GPR89A: variants seen among roughly 807,000 people sequenced by gnomAD.
GPR89A encodes golgi pH regulator A, also known as G protein-coupled receptor 89A.
Under a neutral mutation model 52.0 loss-of-function variants are expected in GPR89A, and 16 were observed. That is an observed-to-expected ratio of 0.31 (90% confidence interval 0.21 to 0.47). The LOEUF (loss-of-function observed/expected upper bound fraction) is 0.47. GPR89A is among the 20% of genes least tolerant of loss of function. The pLI is 1.00. For missense variants in GPR89A, 135 were observed against 449.4 expected (o/e 0.30, Z 6.33); for synonymous variants, 55 against 150.9 (o/e 0.36, Z 4.66).
intron 10 of GPR89A, among the ~76,000 whole-genome samples, chr1:145,655,483 T>C (rs782047489): frequency 7.2e-5 from 11 of 152,150 alleles, no homozygotes; most frequent in Non-Finnish European, 1.5e-4. Context: ...ATGGGGTTTT[T>C]GTGGGGTCTT....
intron 7 of GPR89A, among the ~76,000 whole-genome samples, chr1:145,635,542 C>T (rs1305083431): frequency 3.3e-5 from 5 of 152,168 alleles, no homozygotes; most frequent in African/African-American, 1.2e-4. Context: ...GTTTATTTTA[C>T]ATGAGTGTAT....
At chr1:145,660,557 C>G in intron 10 of GPR89A, among the ~76,000 whole-genome samples, 1 of 152,110 alleles carries the variant, frequency 6.6e-6, no homozygotes, top group Non-Finnish European at 1.5e-5. Context: ...ACCTACTCAT[C>G]TGACAAAGGG....
chr1:145,611,728 C>T (rs1251992443), intron 1 of GPR89A: 2 of 151,726 alleles, frequency 1.3e-5, no homozygotes, highest in African/African-American at 4.8e-5. Flanking sequence ...ATACCACCCT[C>T]AGTCCTAACT....
At chr1:145,666,027 T>C (rs1224206380) in intron 12 of GPR89A, among the ~76,000 whole-genome samples, 4 of 141,804 alleles carry the variant, frequency 2.8e-5, no homozygotes, top group Admixed American at 7.2e-5. Flanking sequence ...TGAGATAATT[T>C]TACCTCATTA....
chr1:145,649,854 G>T (rs1651328001), intron 10 of GPR89A, among the ~76,000 whole-genome samples: 1 of 151,840 alleles, frequency 6.6e-6, no homozygotes, highest in Non-Finnish European at 1.5e-5. Flanking sequence ...ATAGATACGA[G>T]GTGATATTGC....
At chr1:145,611,131 A>G (rs1462961293) in intron 1 of GPR89A, among the ~76,000 whole-genome samples, 1 of 147,286 alleles carries the variant, frequency 6.8e-6, no homozygotes, top group East Asian at 2.0e-4. Flanking sequence ...ATTTGTGTTT[A>G]CTTGGATGTA....
At position 145,646,262 on chromosome 1, in the gene GPR89A, A is replaced by G; in HGVS notation, c.806A>G (p.Tyr269Cys). The G allele has an allele frequency of 1.2e-6, 2 of 1,608,316 alleles. No homozygotes were observed. Among genetic ancestry groups the G allele is most frequent in the South Asian group, 1.1e-5 (1 of 90,804 alleles). ...RQLFLETADL[Y>C]ATKERIEYSK... ...CTTTTTCTGGAAACAGCTGATCTAT[A>G]TGCTACCAAGGTACAGAGCAAGGAA... The change falls in exon 9 of 14, where the codon TAT becomes TGT. Residue 269 changes from tyrosine to cysteine, a missense_variant. Coordinates refer to ENST00000313835, the MANE Select transcript of GPR89A (RefSeq NM_001097612.2).
chr1:145,613,869 G>A (rs1287527440), intron 1 of GPR89A, among the ~76,000 whole-genome samples: 5 of 151,746 alleles, frequency 3.3e-5, no homozygotes, highest in Middle Eastern at 3.4e-3. Flanking sequence ...TCACTATAAC[G>A]TCTACCTGCC....
chr1:145,621,650 CAA>C (rs1203106986), intron 3 of GPR89A, among the ~76,000 whole-genome samples: 19 of 150,578 alleles, frequency 1.3e-4, no homozygotes, highest in African/African-American at 4.4e-4. Context: ...ATTCCAAAAA[CAA>C]GAGAAAATTT....
intron 10 of GPR89A, among the ~76,000 whole-genome samples, chr1:145,651,299 C>G (rs1553693504): frequency 6.7e-6 from 1 of 149,698 alleles, no homozygotes; most frequent in East Asian, 2.0e-4. Flanking sequence ...GATCAGATGG[C>G]TGTAGATGTG....
intron 10 of GPR89A, among the ~76,000 whole-genome samples, chr1:145,648,000 C>T (rs1651171046): frequency 7.0e-6 from 1 of 141,852 alleles, no homozygotes; most frequent in Non-Finnish European, 1.5e-5. Context: ...CTACCTTCAG[C>T]TCAGAAGTTA....
intron 3 of GPR89A, among the ~76,000 whole-genome samples, chr1:145,619,681 A>G (rs1432937297): frequency 6.6e-6 from 1 of 152,056 alleles, no homozygotes; most frequent in Non-Finnish European, 1.5e-5. Context: ...ATTATGGTAA[A>G]ATAGAAGTGT....
intron 3 of GPR89A, among the ~76,000 whole-genome samples, chr1:145,620,086 G>A (rs868909241): frequency 1.3e-5 from 2 of 152,006 alleles, no homozygotes; most frequent in Admixed American, 6.5e-5. Context: ...TGTGACTATA[G>A]AGAATAGACA....
intron 5 of GPR89A, among the ~76,000 whole-genome samples, chr1:145,625,832 A>G (rs1171819742): frequency 6.7e-6 from 1 of 150,312 alleles, no homozygotes; most frequent in South Asian, 2.1e-4. Context: ...TTAAAATTTC[A>G]TGTTTCCTTT....
At chr1:145,639,757 AAAAG>A (rs1429932238) in intron 7 of GPR89A, among the ~76,000 whole-genome samples, 11 of 149,434 alleles carry the variant, frequency 7.4e-5, no homozygotes, top group East Asian at 2.0e-4. Context: ...AAAAAAAAAA[AAAAG>A]AAAAGAAAAG....
chr1:145,666,219 GAT>G (rs1652542005), intron 12 of GPR89A, among the ~76,000 whole-genome samples: 1 of 144,598 alleles, frequency 6.9e-6, no homozygotes, highest in Admixed American at 7.0e-5. Flanking sequence ...TTTGTTCACT[GAT>G]ATGTTATCAG....
At chr1:145,632,264 ACT>A (rs1440878287) in intron 7 of GPR89A, among the ~76,000 whole-genome samples, 4 of 152,072 alleles carry the variant, frequency 2.6e-5, no homozygotes, top group African/African-American at 9.7e-5. Context: ...TTTGAAATTT[ACT>A]CTCAGTGATT....
chr1:145,622,361 G>A (rs1432882988), intron 3 of GPR89A, among the ~76,000 whole-genome samples: 2 of 92,800 alleles, frequency 2.2e-5, no homozygotes, highest in East Asian at 3.0e-4. Context: ...AAGTATATTG[G>A]TGGTTTCCTA....
At chr1:145,639,936 C>T (rs1219150881) in intron 7 of GPR89A, among the ~76,000 whole-genome samples, 2 of 151,822 alleles carry the variant, frequency 1.3e-5, no homozygotes, top group East Asian at 2.0e-4. Flanking sequence ...AATTAAAACA[C>T]GCCGGGCGTG....
Sources: allele counts gnomAD v4.1 joint callset (sites outside exome capture counted in the v4.1 genomes callset), GRCh38; gene constraint gnomAD v4.1.1; transcripts MANE v1.5; gene names NCBI Gene and HGNC (gene_info 2026-07-23, HGNC 2026-07-21).